STX3: variants seen among roughly 807,000 people sequenced by gnomAD.
STX3 encodes the protein syntaxin 3, also known as syntaxin-3.
STX3 carries 19 observed loss-of-function variants against 40.2 expected under a neutral mutation model. That is an observed-to-expected ratio of 0.47 (90% confidence interval 0.33 to 0.69). The LOEUF is 0.69. Among genes scored for constraint, STX3 ranks in the 30% least tolerant of loss-of-function variants. STX3 has a pLI of 0.02. For synonymous variants in STX3, 122 were observed against 132.2 expected (o/e 0.92, Z 0.53); for missense variants, 364 against 366.7 (o/e 0.99, Z 0.06).
chr11:59,783,425 A>T (rs914681613), intron 2 of STX3, among the ~76,000 whole-genome samples: 1 of 152,220 alleles, frequency 6.6e-6, no homozygotes, highest in African/African-American at 2.4e-5. Flanking sequence ...CGATATTCTC[A>T]TATGTATAAA....
Position 59,794,202 on chromosome 11 carries a change from C to T in STX3, c.675+688C>T, listed in dbSNP as rs577471320. Among the ~76,000 whole-genome samples, 4 of 152,228 alleles carry T rather than the reference C, an allele frequency of 2.6e-5. No individual in the cohort carries two copies. In the South Asian group the frequency reaches 8.3e-4, roughly 32 times the overall value. ...CATTGACAGAAAGACTCGAAACACTCGTGGTGCTAGTTTGACAGCTTACTT... is the reference window on the plus strand; with the variant it reads ...CATTGACAGAAAGACTCGAAACACTTGTGGTGCTAGTTTGACAGCTTACTT... On this transcript the variant is annotated intron_variant, in intron 8 of 10. Transcript: ENST00000337979.
In STX3 at chr11:59,776,231, A is replaced by T. The variant is rs534836742; in HGVS notation, c.114+2937A>T. On this transcript the variant is annotated intron_variant, in intron 2 of 10. Coordinates refer to ENST00000337979, the MANE Select transcript of STX3 (RefSeq NM_004177.5). ...GGTCTGAATCTCAGCTCTGCCCATT[A>T]CCAGTGGTACAATTTTGGAAAAGTT... Among the ~76,000 whole-genome samples, 16 of 152,312 alleles carry T rather than the reference A, an allele frequency of 1.1e-4. No individual in the cohort carries two copies. In the South Asian group the frequency reaches 3.3e-3, roughly 32 times the overall value.
At chr11:59,755,979 C>G (rs568947914) in intron 1 of STX3, among the ~76,000 whole-genome samples, 22 of 152,352 alleles carry the variant, frequency 1.4e-4, no homozygotes. Context: ...GCACTATGCC[C>G]AGGACCAGCC....
Position 59,770,018 on chromosome 11 carries a change from AGT to A in STX3, c.31-3181_31-3180del, listed in dbSNP as rs751070205. On this transcript the variant is annotated intron_variant, in intron 1 of 10. Transcript: ENST00000337979. ...TGAGTGTGTGTGGGTGTATGTGTGG[AGT>A]GTGTGTGTGTGGGATGTGTGTGTAT... Among the ~76,000 whole-genome samples the A allele has an allele frequency of 3.6e-3, 487 of 135,462 alleles. 5 individuals carry two copies. The highest frequency in any genetic ancestry group is 0.012 in the African/African-American group (422 of 35,570). The allele number at this position is 135,462 out of a possible 152,430, so 88.9% of individuals were successfully genotyped here.
chr11:59,778,955 A>G (rs1016836767), intron 2 of STX3, among the ~76,000 whole-genome samples: 4 of 149,652 alleles, frequency 2.7e-5, no homozygotes, highest in Non-Finnish European at 5.9e-5. Context: ...TTCCTGCCTC[A>G]GCCTCCCAAG....
intron 8 of STX3, among the ~76,000 whole-genome samples, chr11:59,793,745 C>T (rs974959292): frequency 1.3e-5 from 2 of 151,794 alleles, no homozygotes; most frequent in Non-Finnish European, 2.9e-5. Flanking sequence ...GCCTTGCAGT[C>T]GTTGCTAGTT....
At chr11:59,755,137 A>C (rs191329574), upstream of STX3, 111 of 154,578 alleles carry the variant, frequency 7.2e-4, 2 homozygotes, top group South Asian at 6.6e-3. Flanking sequence ...GAATGACCGC[A>C]GCCAGACAGT....
chr11:59,793,041 ATCAGATGGTGTT>A, intron 6 of STX3, 46 bp from the exon 7 acceptor site: 1 of 1,567,710 alleles, frequency 6.4e-7, no homozygotes, highest in Non-Finnish European at 8.7e-7. Context: ...CAGGGTCCTT[ATCAGATGGTGTT>A]TCACCGTGAT....
chr11:59,790,667 T>A (rs1345229327), intron 5 of STX3, 81 bp downstream of exon 5: 19 of 985,778 alleles, frequency 1.9e-5, no homozygotes, highest in Admixed American at 1.3e-4. Flanking sequence ...TTTTTTTTTT[T>A]AATACAATCC....
chr11:59,799,605 A>AT (rs1300753538), intron 10 of STX3: 1 of 976,050 alleles, frequency 1.0e-6, no homozygotes. Flanking sequence ...AGGTATAAAC[A>AT]TTTTTAAGAC....
intron 10 of STX3, chr11:59,799,653 C>T: frequency 1.0e-6 from 1 of 985,390 alleles, no homozygotes; most frequent in Non-Finnish European, 1.2e-6. Flanking sequence ...AGAGCTGTGC[C>T]TTCCTTTTAT....
At chr11:59,771,403 T>TTCCCCCCCCCCCC (rs1863627575) in intron 1 of STX3, among the ~76,000 whole-genome samples, 1 of 34,646 alleles carries the variant, frequency 2.9e-5, no homozygotes, top group African/African-American at 1.3e-4. Context: ...TCCCCCCACC[T>TTCCCCCCCCCCCC]CCCCCCCCCC....
chr11:59,765,782 A>T (rs777620209), intron 1 of STX3, among the ~76,000 whole-genome samples: 2 of 152,126 alleles, frequency 1.3e-5, no homozygotes, highest in Non-Finnish European at 2.9e-5. Context: ...CCAGCCTGGA[A>T]GATAGAGCAA....
chr11:59,779,213 A>T (rs112766709), intron 2 of STX3, among the ~76,000 whole-genome samples: 1 of 152,208 alleles, frequency 6.6e-6, no homozygotes, highest in Non-Finnish European at 1.5e-5. Flanking sequence ...GCTTATAAAC[A>T]ATAAGAATGT....
rs1866033409 is a variant in STX3 at position 59,805,177 on chromosome 11, A to T, written c.*4353A>T. 1 of 112,990 alleles carries T rather than the reference A, an allele frequency of 8.9e-6. No individual in the cohort carries two copies. The highest frequency in any genetic ancestry group is 2.2e-4 in the East Asian group (1 of 4,560). The allele number at this position is 112,990 out of a possible 1,614,324, so 7.0% of individuals were successfully genotyped here. On this transcript the variant is annotated 3_prime_UTR_variant, in exon 11 of 11. Coordinates refer to ENST00000337979, the MANE Select transcript of STX3 (RefSeq NM_004177.5). ...GGGCAACAAGAGCTAAATTCCATCT[A>T]AAAAAAAAAAAAAAACAAAAAAAAA... is the stretch of plus-strand genomic sequence containing the variant.
At chr11:59,789,003 C>G (rs903343901) in intron 4 of STX3, 56 bp downstream of exon 4, 3 of 1,497,486 alleles carry the variant, frequency 2.0e-6, no homozygotes, top group East Asian at 2.4e-5. Flanking sequence ...TCTCAGCTCC[C>G]CTAGGGTCCA....
chr11:59,773,142 G>A (rs1016413468), intron 1 of STX3, 69 bp from the exon 2 acceptor site: 7 of 1,455,380 alleles, frequency 4.8e-6, no homozygotes, highest in Admixed American at 1.7e-5. Context: ...CTAGTACTTC[G>A]TGAGCATTCA....
intron 9 of STX3, chr11:59,795,807 T>G: frequency 9.2e-7 from 1 of 1,087,902 alleles, no homozygotes. Context: ...AGCCCATGCC[T>G]CCCTCCCTGT....
At chr11:59,799,344 C>T (rs1421120483) in intron 10 of STX3, among the ~76,000 whole-genome samples, 2 of 152,136 alleles carry the variant, frequency 1.3e-5, no homozygotes, top group African/African-American at 4.8e-5. Flanking sequence ...TTACATAGTT[C>T]AGACTATATT....
Sources: gnomAD v4.1 joint callset for allele counts (sites outside exome capture counted in the v4.1 genomes callset) on GRCh38, gnomAD v4.1.1 for gene constraint, MANE v1.5 for transcripts, NCBI Gene and HGNC (gene_info 2026-07-23, HGNC 2026-07-21) for gene names.